LRMDA: variants seen among roughly 807,000 people sequenced by gnomAD.
LRMDA encodes leucine rich melanocyte differentiation associated, also known as leucine-rich melanocyte differentiation-associated protein.
Under a neutral mutation model 29.8 loss-of-function variants are expected in LRMDA, and 18 were observed. That is an observed-to-expected ratio of 0.60 (90% CI 0.42 to 0.90). The LOEUF (loss-of-function observed/expected upper bound fraction) is 0.90. LRMDA is among the 40% of genes least tolerant of loss of function. The pLI is 0.00. For synonymous variants in LRMDA, 125 were observed against 109.4 expected (o/e 1.14, Z -0.89); for missense variants, 273 against 273.9 (o/e 1.00, Z 0.02).
At chr10:76,449,644 TTTTA>T (rs1334726339) in intron 6 of LRMDA, among the ~76,000 whole-genome samples, 3 of 151,960 alleles carry the variant, frequency 2.0e-5, no homozygotes, top group African/African-American at 7.2e-5. Context: ...GCTTTTTCCT[TTTTA>T]TTCTGGGTTT....
chr10:75,585,843 T>TC lies in LRMDA; in HGVS notation c.131+147350dup, dbSNP rs1840649110. Among the ~76,000 whole-genome samples, 4 of 152,328 alleles carry TC rather than the reference T, an allele frequency of 2.6e-5. No individual in the cohort carries two copies. In the South Asian group the frequency reaches 8.3e-4, roughly 32 times the overall value. On this transcript the variant is annotated intron_variant, in intron 2 of 6. Transcript: ENST00000611255. ...AATAACTTCTCATTTCCTTCTCCCC[T>TC]CATCCCCTGGCAACCACTATTCAAC... is the stretch of plus-strand genomic sequence containing the variant.
chr10:75,985,344 C>T (rs559999619), intron 2 of LRMDA, among the ~76,000 whole-genome samples: 3 of 152,326 alleles, frequency 2.0e-5, no homozygotes, highest in Admixed American at 1.3e-4. Context: ...TATTAGTTCA[C>T]ATGTCTGAGA....
chr10:75,715,160 G>A (rs959989425), intron 2 of LRMDA, among the ~76,000 whole-genome samples: 4 of 152,120 alleles, frequency 2.6e-5, no homozygotes, highest in Admixed American at 6.5e-5. Flanking sequence ...TGCGGGCAGC[G>A]TACCATTCCC....
intron 2 of LRMDA, among the ~76,000 whole-genome samples, chr10:75,888,717 G>A (rs539781478): frequency 6.6e-6 from 1 of 152,258 alleles, no homozygotes; most frequent in Admixed American, 6.5e-5. Context: ...TGATGACAGA[G>A]GAGTAAAGAT....
At chr10:75,590,726 C>CTTTTTTTTTTTTTTTTTTTTTTTTTTTTT (rs67966004) in intron 2 of LRMDA, among the ~76,000 whole-genome samples, 2 of 71,344 alleles carry the variant, frequency 2.8e-5, no homozygotes, top group African/African-American at 5.8e-5. Context: ...ATAAAATAGT[C>CTTTTTTTTTTTTTTTTTTTTTTTTTTTTT]TTTTTTTTTT....
intron 6 of LRMDA, among the ~76,000 whole-genome samples, chr10:76,473,181 C>T (rs181763543): frequency 1.5e-4 from 23 of 151,514 alleles, no homozygotes; most frequent in East Asian, 5.8e-4. Context: ...GGATTTATTT[C>T]GGTAATGCAA....
chr10:75,763,327 A>G (rs760576030), intron 2 of LRMDA, among the ~76,000 whole-genome samples: 1 of 152,232 alleles, frequency 6.6e-6, no homozygotes, highest in Non-Finnish European at 1.5e-5. Context: ...AACTACAGGT[A>G]TAATAAGCCC....
At chr10:76,347,238 C>T (rs897788153) in intron 6 of LRMDA, among the ~76,000 whole-genome samples, 2 of 152,120 alleles carry the variant, frequency 1.3e-5, no homozygotes, top group African/African-American at 4.8e-5. Context: ...TTATATAAAA[C>T]CTTGTATCTC....
At chr10:75,721,369 A>G (rs1275253971) in intron 2 of LRMDA, among the ~76,000 whole-genome samples, 1 of 152,228 alleles carries the variant, frequency 6.6e-6, no homozygotes, top group Non-Finnish European at 1.5e-5. Flanking sequence ...AGCATAATGT[A>G]TGTGTAATTT....
intron 5 of LRMDA, among the ~76,000 whole-genome samples, chr10:76,174,757 C>T (rs1850901428): frequency 6.6e-6 from 1 of 152,184 alleles, no homozygotes; most frequent in Non-Finnish European, 1.5e-5. Flanking sequence ...TGGAGTCAGA[C>T]CTTGGTTCAA....
At chr10:75,612,031 A>C (rs1212978640) in intron 2 of LRMDA, among the ~76,000 whole-genome samples, 1 of 152,204 alleles carries the variant, frequency 6.6e-6, no homozygotes, top group East Asian at 1.9e-4. Context: ...CCAGAGAATA[A>C]AAGGCCAACA....
At chr10:76,134,452 A>C (rs1044294978) in intron 5 of LRMDA, among the ~76,000 whole-genome samples, 1 of 152,184 alleles carries the variant, frequency 6.6e-6, no homozygotes, top group Non-Finnish European at 1.5e-5. Context: ...ATGGGAACAA[A>C]AAATATCACC....
In LRMDA at chr10:75,456,382, C is replaced by T. The variant is rs554087441; in HGVS notation, c.131+17888C>T. Among the ~76,000 whole-genome samples the T allele has an allele frequency of 1.3e-4, 20 of 152,360 alleles. 1 individual carries two copies. Among genetic ancestry groups the T allele is most frequent in the African/African-American group, 4.3e-4 (18 of 41,586 alleles). ...AAGGGGAGGAACCAAAACTTGAAAC[C>T]TCATCTTTCAGAAATTGCATTTATT... On this transcript the variant is annotated intron_variant, in intron 2 of 6. Transcript: ENST00000611255.
chr10:75,849,547 G>A (rs1052537869), intron 2 of LRMDA, among the ~76,000 whole-genome samples: 1 of 152,022 alleles, frequency 6.6e-6, no homozygotes, highest in African/African-American at 2.4e-5. Context: ...AGTGGGAGCC[G>A]AACAATGAGA....
At chr10:75,872,083 AC>A (rs1175112994) in intron 2 of LRMDA, among the ~76,000 whole-genome samples, 1 of 152,184 alleles carries the variant, frequency 6.6e-6, no homozygotes, top group African/African-American at 2.4e-5. Context: ...ACTGTACGGT[AC>A]TTTTAAATTT....
chr10:76,170,965 C>T (rs2132192393), intron 5 of LRMDA, among the ~76,000 whole-genome samples: 1 of 152,250 alleles, frequency 6.6e-6, no homozygotes, highest in Non-Finnish European at 1.5e-5. Flanking sequence ...GGTAAATGTA[C>T]AATAAATATC....
At chr10:75,704,524 C>T (rs1218226292) in intron 2 of LRMDA, among the ~76,000 whole-genome samples, 7 of 152,200 alleles carry the variant, frequency 4.6e-5, no homozygotes, top group Non-Finnish European at 8.8e-5. Context: ...CTCCCCACTC[C>T]TCAAAAAAGT....
intron 6 of LRMDA, among the ~76,000 whole-genome samples, chr10:76,537,627 G>A (rs768209749): frequency 2.0e-4 from 30 of 151,982 alleles, no homozygotes; most frequent in Admixed American, 1.2e-3. Flanking sequence ...CTTTTCCATC[G>A]TCACATCTGC....
chr10:75,818,647 G>A (rs1406668281), intron 2 of LRMDA, among the ~76,000 whole-genome samples: 1 of 152,222 alleles, frequency 6.6e-6, no homozygotes, highest in Non-Finnish European at 1.5e-5. Flanking sequence ...TATTTGCAGA[G>A]ACGAAAGTTT....
Sources: gnomAD v4.1 joint callset for allele counts (sites outside exome capture counted in the v4.1 genomes callset) on GRCh38, gnomAD v4.1.1 for gene constraint, MANE v1.5 for transcripts, NCBI Gene and HGNC (gene_info 2026-07-23, HGNC 2026-07-21) for gene names.